PRG4: variants seen among roughly 807,000 people sequenced by gnomAD.
PRG4 encodes the protein proteoglycan 4.
A neutral mutation model predicts 91.2 loss-of-function variants in PRG4; 61 were observed. The observed-to-expected ratio is 0.67, with a 90% CI of 0.54 to 0.83. The LOEUF is 0.83. Among genes scored for constraint, PRG4 ranks in the 40% least tolerant of loss-of-function variants. PRG4 has a pLI of 0.00. For missense variants in PRG4, 1,564 were observed against 1,714.2 expected, an observed-to-expected ratio of 0.91 and a Z score of 1.55; for synonymous variants, 576 against 614.2, an observed-to-expected ratio of 0.94 and a Z score of 0.92.
intron 6 of PRG4, 103 bp downstream of exon 6, chr1:186,305,025 G>C (rs6425025): frequency 8.1e-7 from 1 of 1,227,616 alleles, no homozygotes; most frequent in Admixed American, 1.9e-5. Context: ...CTTAATATGG[G>C]GGGGAATATA....
chr1:186,306,602 C>G lies in PRG4; in HGVS notation c.883C>G (p.Gln295Glu), dbSNP rs1306569215. 6.2e-7 allele frequency: 1 copy of G among 1,613,414 alleles called. No homozygotes were observed. The highest frequency in any genetic ancestry group is 8.5e-7 in the Non-Finnish European group (1 of 1,179,566). The change falls in exon 7 of 13, where the codon CAG becomes GAG. Residue 295 changes from glutamine to glutamate, a missense_variant. Coordinates refer to ENST00000445192, the MANE Select transcript of PRG4 (RefSeq NM_005807.6). The stretch of plus-strand genomic sequence containing the variant: ...TAAAGAAACTACTACAACAAATAAA[C>G]AGACTTCAACTGATGGAAAAGAGAA... ...ETKETTTTNK[Q>E]TSTDGKEKTT...
At chr1:186,304,981 T>A (rs1656462189) in intron 6 of PRG4, 59 bp downstream of exon 6, 1 of 1,547,372 alleles carries the variant, frequency 6.5e-7, no homozygotes, top group African/African-American at 1.4e-5. Flanking sequence ...ATGATTATAT[T>A]TAAAAGTAAT....
intron 12 of PRG4, 47 bp downstream of exon 12, chr1:186,312,941 A>G (rs766994588): frequency 4.6e-5 from 72 of 1,571,386 alleles, no homozygotes; most frequent in Non-Finnish European, 6.0e-5. Flanking sequence ...ATCATTTGTG[A>G]AAACATGAAG....
At chr1:186,302,476 CAAGAAT>C (rs1656289309) in intron 4 of PRG4, among the ~76,000 whole-genome samples, 3 of 152,164 alleles carry the variant, frequency 2.0e-5, no homozygotes, top group African/African-American at 7.2e-5. Flanking sequence ...TTTGTTAAAA[CAAGAAT>C]ATTTGTGGAG....
At chr1:186,297,179 A>G (rs1024622670) in intron 2 of PRG4, among the ~76,000 whole-genome samples, 4 of 152,178 alleles carry the variant, frequency 2.6e-5, no homozygotes, top group African/African-American at 9.6e-5. Context: ...TAATTTTGGT[A>G]CTTGTTATTT....
In PRG4 at chr1:186,311,464, A is replaced by C; in HGVS notation, c.3661A>C (p.Asn1221His). The change falls in exon 10 of 13, where the codon AAT (asparagine) becomes CAT (histidine). Residue 1221 changes from asparagine (N) to histidine (H), a missense_variant. Asn to His is a moderately conservative substitution (Grantham distance 68). Coordinates refer to ENST00000445192, the MANE Select transcript of PRG4 (RefSeq NM_005807.6). ...FKDSQYWRFT[N>H]DIKDAGYPKP... ...GGATTCTCAGTACTGGCGTTTTACC[A>C]ATGATATAAAAGATGCAGGGTACCC... is the stretch of plus-strand genomic sequence containing the variant. The C allele has an allele frequency of 2.5e-6, 4 of 1,613,658 alleles. No homozygotes were observed. The highest frequency in any genetic ancestry group is 3.4e-6 in the Non-Finnish European group (4 of 1,179,618).
At chr1:186,298,846 A>G (rs1656019276) in intron 2 of PRG4, among the ~76,000 whole-genome samples, 2 of 151,198 alleles carry the variant, frequency 1.3e-5, no homozygotes, top group South Asian at 2.1e-4. Context: ...TGCTTTCTCA[A>G]CCTCTTCTCA....
chr1:186,312,687 T>C lies in PRG4; in HGVS notation c.3992-82T>C, dbSNP rs548274907. 6.8e-6 allele frequency: 10 copies of C among 1,462,616 alleles called. No homozygotes were observed. The African/African-American group carries it at 1.4e-4, about 20-fold the overall frequency. The allele number at this position is 1,462,616 out of a possible 1,614,324, so 90.6% of individuals were successfully genotyped here. A position where few individuals can be genotyped will look rare whatever the true frequency, so the allele number is the denominator to read the frequency against. On this transcript the variant is annotated intron_variant, in intron 11 of 12. Transcript: ENST00000445192. ...CTACATCAGAGGGCTAAAACTGAGATTAAAACTCAGATGTCTGGCTCTTTC... is the reference window on the plus strand; with the variant it reads ...CTACATCAGAGGGCTAAAACTGAGACTAAAACTCAGATGTCTGGCTCTTTC...
intron 3 of PRG4, 37 bp downstream of exon 3, chr1:186,300,250 A>C: frequency 6.2e-7 from 1 of 1,612,900 alleles, no homozygotes; most frequent in East Asian, 2.2e-5. Context: ...CTGTCAAGCA[A>C]CACTGCGAGT....
Position 186,312,897 on chromosome 1 carries a change from A to C in PRG4, c.4117+3A>C. The C allele has an allele frequency of 5.6e-6, 9 of 1,611,248 alleles. No homozygotes were observed. Among genetic ancestry groups the C allele is most frequent in the Non-Finnish European group, 7.6e-6 (9 of 1,177,386 alleles). ...TGATTACTATGCCTTTTCTAAAGGT[A>C]AGGTATTAACTAACAGTTTCCCAAG... On this transcript the variant is annotated splice_donor_region_variant and intron_variant, in intron 12 of 12. Coordinates refer to ENST00000445192, the MANE Select transcript of PRG4 (RefSeq NM_005807.6).
Position 186,313,922 on chromosome 1 carries a change from A to G in PRG4, c.*144A>G. 1.3e-6 allele frequency: 2 copies of G among 1,587,298 alleles called. No individual in the cohort carries two copies. The highest frequency in any genetic ancestry group is 1.7e-6 in the Non-Finnish European group (2 of 1,157,280). On this transcript the variant is annotated 3_prime_UTR_variant, in exon 13 of 13. Transcript: ENST00000445192. ...TTTTAAACTTGACAATCATTACACT[A>G]AAACAGATTTGATAATCTTATTCAC... is the stretch of plus-strand genomic sequence containing the variant.
In PRG4 at chr1:186,308,501, C is replaced by T. The variant is rs1165149178; in HGVS notation, c.2782C>T (p.Pro928Ser). 1.2e-6 allele frequency: 2 copies of T among 1,613,780 alleles called. No individual in the cohort carries two copies. The highest frequency in any genetic ancestry group is 1.1e-5 in the South Asian group (1 of 91,076). The change falls in exon 7 of 13, where the codon CCT (proline) becomes TCT (serine). Residue 928 changes from proline (P) to serine (S), a missense_variant. Pro to Ser is a moderately conservative substitution (Grantham distance 74, BLOSUM62 -1). Around this residue, in one of 3 missense-constraint regions of PRG4, gnomAD observed 1,079 missense variants for 1,162.2 expected, o/e 0.93. Coordinates refer to ENST00000445192, the MANE Select transcript of PRG4 (RefSeq NM_005807.6). Reference sequence around the variant, plus strand: ...AACAGAAAGAGACTTACGTACTACACCTGAAACTACAACTGCTGCACCTAA... The same window carrying T: ...AACAGAAAGAGACTTACGTACTACATCTGAAACTACAACTGCTGCACCTAA... ...KTTERDLRTT[P>S]ETTTAAPKMT... is the part of the protein sequence containing the mutation.
intron 5 of PRG4, 119 bp from the exon 6 acceptor site, chr1:186,304,675 A>C: frequency 7.4e-7 from 1 of 1,345,684 alleles, no homozygotes; most frequent in Non-Finnish European, 1.0e-6. Context: ...ATTACTAATA[A>C]AAGCAAAATC....
chr1:186,311,332 C>T, intron 9 of PRG4, 108 bp from the exon 10 acceptor site: 1 of 1,433,986 alleles, frequency 7.0e-7, no homozygotes, highest in African/African-American at 1.4e-5. Flanking sequence ...GGTCAAAATT[C>T]AACCGTTTAA....
Position 186,307,526 on chromosome 1 carries a change from A to T in PRG4, c.1807A>T (p.Thr603Ser). The T allele has an allele frequency of 1.3e-6, 2 of 1,560,760 alleles. No homozygotes were observed. The highest frequency in any genetic ancestry group is 1.7e-6 in the Non-Finnish European group (2 of 1,147,112). Residue 603 changes from threonine to serine, a missense_variant, in exon 7 of 13, where the codon ACC (threonine) becomes TCC (serine). Coordinates refer to ENST00000445192, the MANE Select transcript of PRG4 (RefSeq NM_005807.6). ...APTTTKKPAP[T>S]TPKEPAPTTP... Reference sequence around the variant, plus strand: ...CACCACCACCAAGAAGCCTGCACCCACCACTCCCAAAGAGCCTGCCCCAAC... The same window carrying T: ...CACCACCACCAAGAAGCCTGCACCCTCCACTCCCAAAGAGCCTGCCCCAAC...
Position 186,304,093 on chromosome 1 carries a change from C to A in PRG4, c.320-15C>A. ...ATAAACAAGATGTTAACTGACTTGTCTTACTTGGCCTCAGTGCATAATCCC... is the reference window on the plus strand; with the variant it reads ...ATAAACAAGATGTTAACTGACTTGTATTACTTGGCCTCAGTGCATAATCCC... On this transcript the variant is annotated splice_polypyrimidine_tract_variant and intron_variant, in intron 4 of 12. Coordinates refer to ENST00000445192, the MANE Select transcript of PRG4 (RefSeq NM_005807.6). The A allele has an allele frequency of 6.2e-7, 1 of 1,613,682 alleles. No individual in the cohort carries two copies. Among genetic ancestry groups the A allele is most frequent in the South Asian group, 1.1e-5 (1 of 91,060 alleles).
chr1:186,306,669 C>A lies in PRG4; in HGVS notation c.950C>A (p.Ser317Tyr). ...GAGACACAAAGTATAGAGAAAACAT[C>A]TGCTAAAGATTTAGCACCCACATCT... ...AKETQSIEKT[S>Y]AKDLAPTSKV... Residue 317 changes from serine (S) to tyrosine (Y), a missense_variant, in exon 7 of 13, where the codon TCT (serine) becomes TAT (tyrosine). By Grantham distance (144) the Ser-to-Tyr change is moderately radical. This residue lies in a region of PRG4 where 437 missense variants were observed against 459.0 expected (regional missense o/e 0.95). Transcript: ENST00000445192. The A allele has an allele frequency of 6.2e-7, 1 of 1,613,686 alleles. No homozygotes were observed. The highest frequency in any genetic ancestry group is 1.1e-5 in the South Asian group (1 of 91,084).
chr1:186,296,879 G>A lies in PRG4; in HGVS notation c.4G>A (p.Ala2Thr), dbSNP rs143556920. The A allele has an allele frequency of 1.2e-6, 2 of 1,613,592 alleles. No homozygotes were observed. Among genetic ancestry groups the A allele is most frequent in the Non-Finnish European group, 1.7e-6 (2 of 1,179,640 alleles). Residue 2 changes from alanine (A) to threonine (T), a missense_variant, in exon 2 of 13, where the codon GCA becomes ACA. By Grantham distance (58) the Ala-to-Thr change is moderately conservative. Transcript: ENST00000445192. The stretch of plus-strand genomic sequence containing the variant: ...CCTACGGTACCTGAAAACAACGATG[G>A]CATGGAAAACACTTCCCATTTACCT... MAWKTLPIYLLL... is the reference protein window; with the variant it reads MTWKTLPIYLLL...
chr1:186,307,720 C>G lies in PRG4; in HGVS notation c.2001C>G (p.Thr667=). ...CCACCCCTGAGGAGCCTGCTCCCACCACTCCCAAGGCAGCGGCTCCCAACA... is the reference window on the plus strand; with the variant it reads ...CCACCCCTGAGGAGCCTGCTCCCACGACTCCCAAGGCAGCGGCTCCCAACA... ...TPTTPEEPAP[T]TPKAAAPNTP... Residue 667 remains threonine (T), a synonymous_variant, in exon 7 of 13, where the codon ACC becomes ACG. Transcript: ENST00000445192. The G allele has an allele frequency of 6.2e-7, 1 of 1,608,950 alleles. No homozygotes were observed. The highest frequency in any genetic ancestry group is 8.5e-7 in the Non-Finnish European group (1 of 1,178,504).
Sources: gnomAD v4.1 joint callset for allele counts (sites outside exome capture counted in the v4.1 genomes callset) on GRCh38, gnomAD v4.1.1 for gene constraint, gnomAD v4.1.1 regional missense constraint, MANE v1.5 for transcripts, NCBI Gene and HGNC (gene_info 2026-07-23, HGNC 2026-07-21) for gene names.